Variants in MPDZ observed in about 807,000 individuals in gnomAD.
MPDZ encodes multiple PDZ domain protein.
MPDZ carries 234 observed loss-of-function variants against 239.1 expected under a neutral mutation model. The ratio of observed to expected loss-of-function variants is 0.98; its 90% confidence interval spans 0.88 to 1.09. The LOEUF (loss-of-function observed/expected upper bound fraction) is 1.09. Among genes scored for constraint, MPDZ ranks in the 50% least tolerant of loss-of-function variants. The pLI, the probability that MPDZ is intolerant of heterozygous loss-of-function variation, is 0.00. For missense variants in MPDZ, 3,175 were observed against 2,510.0 expected (o/e 1.26, Z -5.66); for synonymous variants, 1,048 against 881.3 (o/e 1.19, Z -3.35).
intron 38 of MPDZ, among the ~76,000 whole-genome samples, 156 bp downstream of exon 38, chr9:13,121,583 A>G (rs937759286): frequency 6.6e-6 from 1 of 152,118 alleles, no homozygotes; most frequent in East Asian, 1.9e-4. Context: ...GTCCAAAACC[A>G]ATGTCTTTTT....
intron 1 of MPDZ, among the ~76,000 whole-genome samples, chr9:13,262,594 A>G (rs1334453549): frequency 6.6e-6 from 1 of 152,126 alleles, no homozygotes; most frequent in South Asian, 2.1e-4. Context: ...TAGAGTCTAT[A>G]TAATATATAC....
At chr9:13,162,017 C>T (rs1186823628) in intron 23 of MPDZ, among the ~76,000 whole-genome samples, 1 of 152,074 alleles carries the variant, frequency 6.6e-6, no homozygotes, top group African/African-American at 2.4e-5. Context: ...TGAATCCCAG[C>T]ACTTTGGCAG....
At chr9:13,256,924 G>T (rs1969580440) in intron 1 of MPDZ, among the ~76,000 whole-genome samples, 1 of 152,024 alleles carries the variant, frequency 6.6e-6, no homozygotes, top group Non-Finnish European at 1.5e-5. Flanking sequence ...AGCACAATAA[G>T]ACAAAATTCA....
intron 3 of MPDZ, among the ~76,000 whole-genome samples, chr9:13,242,552 T>C (rs1169794038): frequency 6.7e-6 from 1 of 148,784 alleles, no homozygotes; most frequent in African/African-American, 2.5e-5. Context: ...AACAAAATGA[T>C]TGCTAAAATA....
chr9:13,180,817 T>C (rs960904595), intron 19 of MPDZ, among the ~76,000 whole-genome samples: 2 of 152,152 alleles, frequency 1.3e-5, no homozygotes, highest in African/African-American at 4.8e-5. Context: ...GTAATTGTTA[T>C]TTCCCGTAAA....
intron 46 of MPDZ, 98 bp downstream of exon 46, chr9:13,108,838 T>A: frequency 8.1e-7 from 1 of 1,235,194 alleles, no homozygotes; most frequent in South Asian, 2.0e-5. Flanking sequence ...CTGTTAACCA[T>A]TTGGCATTAC....
At chr9:13,262,549 G>A (rs1316043310) in intron 1 of MPDZ, among the ~76,000 whole-genome samples, 3 of 151,440 alleles carry the variant, frequency 2.0e-5, no homozygotes, top group East Asian at 1.9e-4. Context: ...AAGTATACAC[G>A]TTAAAACTTT....
At chr9:13,154,788 C>A (rs1389211965) in intron 24 of MPDZ, among the ~76,000 whole-genome samples, 1 of 152,086 alleles carries the variant, frequency 6.6e-6, no homozygotes, top group Non-Finnish European at 1.5e-5. Flanking sequence ...GTTATACCTA[C>A]CACACCTTGT....
At chr9:13,112,957 T>G in intron 42 of MPDZ, 54 bp downstream of exon 42, 1 of 1,461,748 alleles carries the variant, frequency 6.8e-7, no homozygotes, top group Non-Finnish European at 9.4e-7. Context: ...AAAACACATA[T>G]GAAGATGTCT....
chr9:13,121,062 T>C (rs1487394707), intron 38 of MPDZ, among the ~76,000 whole-genome samples: 1 of 152,240 alleles, frequency 6.6e-6, no homozygotes, highest in African/African-American at 2.4e-5. Context: ...TACTTACATG[T>C]AAATACTTTT....
At chr9:13,271,048 C>T (rs958253968) in intron 1 of MPDZ, among the ~76,000 whole-genome samples, 15 of 152,112 alleles carry the variant, frequency 9.9e-5, no homozygotes, top group African/African-American at 3.1e-4. Flanking sequence ...ACTCTTCATA[C>T]GGTAGGATAC....
In MPDZ at chr9:13,175,809, C is replaced by A; in HGVS notation, c.2998G>T (p.Val1000Leu). Residue 1000 changes from valine (V) to leucine (L), a missense_variant, in exon 21 of 47, where the codon GTA (valine) becomes TTA (leucine). By Grantham distance (32) the Val-to-Leu change is conservative. Transcript: ENST00000319217. The stretch of plus-strand genomic sequence containing the variant: ...GTCCTTTCAAAAGATTCTTTAGATA[C>A]ATTTTGAAGCATGACACACTCAGCA... ...CNAECVMLQNVSKESFERTIN... is the reference protein window; with the variant it reads ...CNAECVMLQNLSKESFERTIN... The A allele has an allele frequency of 6.3e-7, 1 of 1,583,788 alleles. No individual in the cohort carries two copies.
chr9:13,243,568 T>A (rs1028915117), intron 3 of MPDZ, among the ~76,000 whole-genome samples: 1 of 152,110 alleles, frequency 6.6e-6, no homozygotes, highest in Middle Eastern at 3.2e-3. Context: ...AAAACTTACA[T>A]AGAAATATAA....
intron 34 of MPDZ, among the ~76,000 whole-genome samples, chr9:13,125,944 A>G (rs952906851): frequency 6.6e-6 from 1 of 152,198 alleles, no homozygotes; most frequent in African/African-American, 2.4e-5. Context: ...CTGTACAATG[A>G]AGAAATGATA....
chr9:13,234,873 CT>C (rs1174280560), intron 3 of MPDZ, among the ~76,000 whole-genome samples: 1 of 150,938 alleles, frequency 6.6e-6, no homozygotes, highest in African/African-American at 2.5e-5. Flanking sequence ...AAAACATGTG[CT>C]TTTTTTCTTG....
chr9:13,137,897 T>C, intron 29 of MPDZ, 60 bp downstream of exon 29: 1 of 1,529,210 alleles, frequency 6.5e-7, no homozygotes, highest in Admixed American at 1.8e-5. Flanking sequence ...TTCTGGAAAC[T>C]GACAGTTCCA....
At position 13,224,645 on chromosome 9, in the gene MPDZ, A is replaced by G. The variant is rs1959955780; in HGVS notation, c.184-62T>C. ...TTCCATAAACTATTTCATAGAAAAT[A>G]TCCCAAGGGTACAAGGACATACAAA... On this transcript the variant is annotated intron_variant, in intron 3 of 46. Transcript: ENST00000319217. 9 of 1,123,530 alleles carry G rather than the reference A, an allele frequency of 8.0e-6. No individual in the cohort carries two copies. In the South Asian group the frequency reaches 1.4e-4, roughly 17 times the overall value. 69.6% of individuals were successfully genotyped at this position (1,123,530 alleles called of 1,614,324 possible).
chr9:13,171,787 C>G (rs1951815352), intron 21 of MPDZ, among the ~76,000 whole-genome samples: 1 of 152,110 alleles, frequency 6.6e-6, no homozygotes, highest in African/African-American at 2.4e-5. Context: ...TTATTAATAA[C>G]TTCTTCTGGT....
chr9:13,252,055 T>C (rs1031626028), intron 1 of MPDZ, among the ~76,000 whole-genome samples: 3 of 152,180 alleles, frequency 2.0e-5, no homozygotes, highest in African/African-American at 7.2e-5. Flanking sequence ...GTAACTATGA[T>C]ATATTTATTC....
Sources: allele counts gnomAD v4.1 joint callset (sites outside exome capture counted in the v4.1 genomes callset), GRCh38; gene constraint gnomAD v4.1.1; transcripts MANE v1.5; gene names NCBI Gene and HGNC (gene_info 2026-07-23, HGNC 2026-07-21).